The following GSG1L variants were observed in gnomAD, a reference collection of about 807,000 sequenced individuals.
The protein encoded by GSG1L is GSG1 like.
Under a neutral mutation model 42.1 loss-of-function variants are expected in GSG1L, and 24 were observed. The observed-to-expected ratio is 0.57, with a 90% CI of 0.41 to 0.80. The LOEUF (loss-of-function observed/expected upper bound fraction) is 0.80. Ranked by LOEUF, GSG1L falls within the 30% of genes least tolerant of loss-of-function variation. The pLI is 0.00. For synonymous variants in GSG1L, 215 were observed against 203.5 expected, an observed-to-expected ratio of 1.06 and a Z score of -0.48; for missense variants, 445 against 472.2, an observed-to-expected ratio of 0.94 and a Z score of 0.53.
intron 2 of GSG1L, among the ~76,000 whole-genome samples, chr16:27,961,540 C>A (rs2085072800): frequency 1.3e-5 from 2 of 152,192 alleles, no homozygotes; most frequent in Admixed American, 1.3e-4. Flanking sequence ...CTTCATCTGT[C>A]AGGTGGGAGT....
chr16:28,022,817 G>A (rs1372021973), intron 1 of GSG1L, among the ~76,000 whole-genome samples: 2 of 152,056 alleles, frequency 1.3e-5, no homozygotes, highest in Non-Finnish European at 2.9e-5. Flanking sequence ...ACAGGCATGC[G>A]CCACTGTGCC....
intron 2 of GSG1L, among the ~76,000 whole-genome samples, chr16:27,962,475 C>T (rs2085081859): frequency 6.6e-6 from 1 of 152,220 alleles, no homozygotes; most frequent in Non-Finnish European, 1.5e-5. Flanking sequence ...ATCCTGAGGA[C>T]TTTGTGGAGC....
chr16:27,892,597 C>G (rs1165572875), intron 2 of GSG1L, among the ~76,000 whole-genome samples: 2 of 152,010 alleles, frequency 1.3e-5, no homozygotes, highest in Non-Finnish European at 2.9e-5. Flanking sequence ...AACCCCGTCT[C>G]TACTAAAAAT....
In GSG1L at chr16:28,063,247, T is replaced by C. The variant is rs1388553094; in HGVS notation, c.178A>G (p.Thr60Ala). The C allele has an allele frequency of 2.3e-6, 3 of 1,294,468 alleles. No homozygotes were observed. Among genetic ancestry groups the C allele is most frequent in the African/African-American group, 3.1e-5 (2 of 63,714 alleles). 80.2% of individuals were successfully genotyped at this position (1,294,468 alleles called of 1,614,324 possible). A position where few individuals can be genotyped will look rare whatever the true frequency, so the allele number is the denominator to read the frequency against. Residue 60 changes from threonine (T) to alanine (A), a missense_variant, in exon 1 of 7, where the codon ACG (threonine) becomes GCG (alanine). By Grantham distance (58) the Thr-to-Ala change is moderately conservative. This residue lies in a region of GSG1L where 156 missense variants were observed against 128.3 expected (regional missense o/e 1.22). Transcript: ENST00000447459. This position sits in a 1 kb window ranked among gnomAD's most constrained non-coding sequence, Gnocchi z 5.8. ...GCGGGGGCGGCGGTGCCGTTGGCCG[T>C]GGCGTTGGCGCCCGAGTTGGGGCAG... is the stretch of plus-strand genomic sequence containing the variant. ...ANCPNSGANATANGTAAPAAA... is the reference protein window; with the variant it reads ...ANCPNSGANAAANGTAAPAAA...
rs56109342 is a variant in GSG1L at position 27,842,159 on chromosome 16, A to AT, written c.662+2790_662+2791insA. ...CGATGTCGCGCGTGCCGAATTTCAC[A>AT]CCAGTAGCACGATGTCGCGCGTGCC... On this transcript the variant is annotated intron_variant, in intron 4 of 6. Transcript: ENST00000447459. Among the ~76,000 whole-genome samples the AT allele has an allele frequency of 2.3e-3, 275 of 120,180 alleles. 13 individuals are homozygous for AT. Among genetic ancestry groups the AT allele is most frequent in the African/African-American group, 7.3e-3 (261 of 35,620 alleles). The allele number at this position is 120,180 out of a possible 152,430, so 78.8% of individuals were successfully genotyped here.
chr16:27,923,444 T>C (rs2084550975), intron 2 of GSG1L, among the ~76,000 whole-genome samples: 1 of 152,212 alleles, frequency 6.6e-6, no homozygotes, highest in South Asian at 2.1e-4. Flanking sequence ...TGCATGCATG[T>C]GGCAGAAAGT....
At position 27,906,114 on chromosome 16, in the gene GSG1L, T is replaced by TA. The variant is rs35388739; in HGVS notation, c.398-21477dup. Among the ~76,000 whole-genome samples the TA allele has an allele frequency of 7.4e-4, 110 of 149,590 alleles. 1 individual carries two copies. The highest frequency in any genetic ancestry group is 2.7e-3 in the East Asian group (14 of 5,136). On this transcript the variant is annotated intron_variant, in intron 2 of 6. Coordinates refer to ENST00000447459, the MANE Select transcript of GSG1L (RefSeq NM_001109763.2). Reference sequence around the variant, plus strand: ...TTCCAAATGCCTCCTGTTTCAGGTTTAAAAAAAAAAGTTTTTTAAGGAGGC... The same window carrying TA: ...TTCCAAATGCCTCCTGTTTCAGGTTTAAAAAAAAAAAGTTTTTTAAGGAGGC...
At chr16:27,987,079 A>C (rs2085393730) in intron 1 of GSG1L, among the ~76,000 whole-genome samples, 1 of 151,984 alleles carries the variant, frequency 6.6e-6, no homozygotes, top group Non-Finnish European at 1.5e-5. Flanking sequence ...TAGCTGGGCA[A>C]GGTGGCAGGT....
Position 27,789,675 on chromosome 16 carries a change from CAATG to C in GSG1L, c.*1691_*1694del, listed in dbSNP as rs2082730064. On this transcript the variant is annotated 3_prime_UTR_variant, in exon 7 of 7. Transcript: ENST00000447459. ...ATGAATGGATGGATGAAAGCATAGA[CAATG>C]AATGGATAGATGATGGATGGATGGA... 1.5e-5 allele frequency: 2 copies of C among 135,924 alleles called. No homozygotes were observed. The highest frequency in any genetic ancestry group is 5.6e-5 in the African/African-American group (2 of 35,956). 8.4% of individuals were successfully genotyped at this position (135,924 alleles called of 1,614,324 possible).
At chr16:27,904,871 C>T (rs2084302098) in intron 2 of GSG1L, among the ~76,000 whole-genome samples, 1 of 152,204 alleles carries the variant, frequency 6.6e-6, no homozygotes, top group Non-Finnish European at 1.5e-5. Flanking sequence ...GCAGCTGCAG[C>T]CACCTGGAGG....
chr16:28,014,047 G>C (rs1412310839), intron 1 of GSG1L, among the ~76,000 whole-genome samples: 1 of 152,228 alleles, frequency 6.6e-6, no homozygotes, highest in Non-Finnish European at 1.5e-5. Context: ...GAGAGAAACA[G>C]CTGCCCTGTT....
At chr16:27,941,641 C>G (rs1487496597) in intron 2 of GSG1L, among the ~76,000 whole-genome samples, 1 of 149,224 alleles carries the variant, frequency 6.7e-6, no homozygotes, top group African/African-American at 2.5e-5. Context: ...CCACTGCACT[C>G]CAGCCTGGGG....
intron 1 of GSG1L, among the ~76,000 whole-genome samples, chr16:27,969,091 AGAGT>A (rs2085164197): frequency 1.3e-5 from 2 of 152,228 alleles, no homozygotes; most frequent in South Asian, 2.1e-4. Context: ...CCTGGGCGAC[AGAGT>A]GAGACTCAGT....
At chr16:28,010,101 C>T (rs1201055535) in intron 1 of GSG1L, among the ~76,000 whole-genome samples, 1 of 152,126 alleles carries the variant, frequency 6.6e-6, no homozygotes, top group Admixed American at 6.5e-5. Flanking sequence ...GGAAGAGACA[C>T]CGGGAACTCC....
chr16:28,016,775 T>C (rs2085786175), intron 1 of GSG1L, among the ~76,000 whole-genome samples: 1 of 152,194 alleles, frequency 6.6e-6, no homozygotes, highest in Admixed American at 6.5e-5. Flanking sequence ...TATCTACTGG[T>C]GTCATCCCCA....
intron 1 of GSG1L, among the ~76,000 whole-genome samples, chr16:27,989,052 CAAA>C (rs560236316): frequency 8.5e-5 from 7 of 82,050 alleles, no homozygotes; most frequent in Non-Finnish European, 5.2e-5. Flanking sequence ...GACTCTGTCT[CAAA>C]AAAAAAAAAA....
intron 3 of GSG1L, among the ~76,000 whole-genome samples, chr16:27,879,383 T>C (rs1363965146): frequency 6.6e-6 from 1 of 152,132 alleles, no homozygotes; most frequent in Non-Finnish European, 1.5e-5. Context: ...GGAAGGAGGA[T>C]TGCTGGAGGA....
intron 2 of GSG1L, among the ~76,000 whole-genome samples, chr16:27,889,920 G>A (rs1158043443): frequency 3.3e-5 from 5 of 152,178 alleles, no homozygotes; most frequent in Admixed American, 1.3e-4. Context: ...AGGTAGCAAC[G>A]TATCACCCGT....
intron 1 of GSG1L, among the ~76,000 whole-genome samples, chr16:27,968,478 T>C (rs2085158604): frequency 6.6e-6 from 1 of 152,146 alleles, no homozygotes; most frequent in African/African-American, 2.4e-5. Flanking sequence ...CTCAAACTCC[T>C]GAGCTCACGC....
Sources: allele counts gnomAD v4.1 joint callset (sites outside exome capture counted in the v4.1 genomes callset), GRCh38; gene constraint gnomAD v4.1.1; regional missense constraint gnomAD v4.1.1; non-coding constraint Gnocchi (gnomAD v3.1); transcripts MANE v1.5; gene names NCBI Gene and HGNC (gene_info 2026-07-23, HGNC 2026-07-21).